Variants in AADACL4 observed in about 807,000 individuals in gnomAD.
The protein encoded by AADACL4 is arylacetamide deacetylase like 4.
AADACL4 carries 9 observed loss-of-function variants against 14.1 expected under a neutral mutation model. That is an observed-to-expected ratio of 0.64 (90% CI 0.39 to 1.12). The LOEUF is 1.12. Among genes scored for constraint, AADACL4 ranks in the 50% most tolerant of loss-of-function variants. The pLI, the probability that AADACL4 is intolerant of heterozygous loss-of-function variation, is 0.01. For synonymous variants in AADACL4, 188 were observed against 201.6 expected, an observed-to-expected ratio of 0.93 and a Z score of 0.57; for missense variants, 531 against 516.1, an observed-to-expected ratio of 1.03 and a Z score of -0.28.
At chr1:12,645,440 C>T (rs114160198) in intron 1 of AADACL4, among the ~76,000 whole-genome samples, 167 of 151,058 alleles carry the variant, frequency 1.1e-3, no homozygotes, top group Non-Finnish European at 1.7e-3. Context: ...ATTTCAGACC[C>T]AGTTCCTGCC....
intron 3 of AADACL4, 25 bp downstream of exon 3, chr1:12,661,879 G>C (rs1430900059): frequency 6.2e-7 from 1 of 1,610,492 alleles, no homozygotes; most frequent in Non-Finnish European, 8.5e-7. Context: ...ACAGCTGGTA[G>C]GTTCCACAGG....
chr1:12,661,685 T>G (rs1647230734), intron 2 of AADACL4, 106 bp from the exon 3 acceptor site: 7 of 1,160,540 alleles, frequency 6.0e-6, no homozygotes, highest in Non-Finnish European at 9.1e-6. Context: ...ACAGAGAGGA[T>G]GCCACACCCC....
At chr1:12,645,707 C>A (rs1242537991) in intron 1 of AADACL4, among the ~76,000 whole-genome samples, 1 of 151,994 alleles carries the variant, frequency 6.6e-6, no homozygotes, top group Non-Finnish European at 1.5e-5. Flanking sequence ...CCATGCCCGG[C>A]TAATTTTTGT....
intron 1 of AADACL4, among the ~76,000 whole-genome samples, chr1:12,647,889 C>T (rs1391879420): frequency 6.6e-6 from 1 of 151,866 alleles, no homozygotes; most frequent in African/African-American, 2.4e-5. Flanking sequence ...AACTCCTGGG[C>T]TCAAGAGATC....
At chr1:12,650,673 C>T (rs1157507686) in intron 1 of AADACL4, among the ~76,000 whole-genome samples, 1 of 152,102 alleles carries the variant, frequency 6.6e-6, no homozygotes, top group African/African-American at 2.4e-5. Flanking sequence ...GCTGGGACTA[C>T]AGGCGCTCGC....
intron 1 of AADACL4, among the ~76,000 whole-genome samples, chr1:12,645,697 C>T (rs1247988730): frequency 6.6e-6 from 1 of 152,010 alleles, no homozygotes; most frequent in African/African-American, 2.4e-5. Flanking sequence ...GTGCGCACCA[C>T]CATGCCCGGC....
chr1:12,653,822 T>C (rs1004837575), intron 2 of AADACL4, among the ~76,000 whole-genome samples: 1 of 152,184 alleles, frequency 6.6e-6, no homozygotes, highest in Non-Finnish European at 1.5e-5. Flanking sequence ...GGGCCTTGGA[T>C]GAAGAGAACC....
At chr1:12,660,549 G>C (rs921489840) in intron 2 of AADACL4, among the ~76,000 whole-genome samples, 1 of 152,076 alleles carries the variant, frequency 6.6e-6, no homozygotes, top group Non-Finnish European at 1.5e-5. Context: ...GTCTAGCAGA[G>C]GTCTTTACTT....
chr1:12,664,276 T>A (rs1230501037), intron 3 of AADACL4, among the ~76,000 whole-genome samples: 2 of 152,192 alleles, frequency 1.3e-5, no homozygotes, highest in Non-Finnish European at 2.9e-5. Context: ...TAGTCTAAGG[T>A]GTTATTTTTC....
At chr1:12,647,805 G>A (rs567545330) in intron 1 of AADACL4, among the ~76,000 whole-genome samples, 31 of 152,076 alleles carry the variant, frequency 2.0e-4, no homozygotes, top group African/African-American at 7.2e-4. Context: ...ATAGGCGCCT[G>A]CCACCATGCC....
chr1:12,650,807 A>G (rs1179460483), intron 1 of AADACL4, among the ~76,000 whole-genome samples: 1 of 152,234 alleles, frequency 6.6e-6, no homozygotes, highest in East Asian at 1.9e-4. Context: ...CTGGGATTAC[A>G]GGCGTGAGCC....
At position 12,657,140 on chromosome 1, in the gene AADACL4, CAAAAAAA is replaced by C. The variant is rs59777423; in HGVS notation, c.386-4632_386-4626del. Among the ~76,000 whole-genome samples, 502 of 51,106 alleles carry C rather than the reference CAAAAAAA, an allele frequency of 9.8e-3. 5 individuals carry two copies. The highest frequency in any genetic ancestry group is 0.027 in the African/African-American group (430 of 16,048). The allele number at this position is 51,106 out of a possible 152,430, so 33.5% of individuals were successfully genotyped here. ...TCTGGGTGACAGAGAAAGACTGTCT[CAAAAAAA>C]AAAAAAAAAAAAAAAAAATCAAACA... On this transcript the variant is annotated intron_variant, in intron 2 of 3. Transcript: ENST00000376221.
intron 2 of AADACL4, among the ~76,000 whole-genome samples, chr1:12,651,991 G>A (rs1387475417): frequency 1.3e-5 from 2 of 151,646 alleles, no homozygotes; most frequent in East Asian, 1.9e-4. Context: ...ACCGTGACCA[G>A]CTAATTTTTT....
At chr1:12,647,092 T>A in intron 1 of AADACL4, among the ~76,000 whole-genome samples, 1 of 121,686 alleles carries the variant, frequency 8.2e-6, no homozygotes, top group East Asian at 2.2e-4. Context: ...AAGTGAGGAT[T>A]TTTTTTTTTT....
chr1:12,660,373 C>A (rs900014587), intron 2 of AADACL4, among the ~76,000 whole-genome samples: 1 of 152,110 alleles, frequency 6.6e-6, no homozygotes, highest in African/African-American at 2.4e-5. Context: ...CTTGATTTTG[C>A]ACCCAAGGCG....
At position 12,661,687 on chromosome 1, in the gene AADACL4, C is replaced by A. The variant is rs554156479; in HGVS notation, c.386-104C>A. 1.8e-4 allele frequency: 214 copies of A among 1,179,860 alleles called. 2 individuals are homozygous for A. The South Asian group carries it at 2.5e-3, about 14-fold the overall frequency. 73.1% of individuals were successfully genotyped at this position (1,179,860 alleles called of 1,614,324 possible). On this transcript the variant is annotated intron_variant, in intron 2 of 3. Coordinates refer to ENST00000376221, the MANE Select transcript of AADACL4 (RefSeq NM_001013630.2). The stretch of plus-strand genomic sequence containing the variant: ...GGCAAGGATAGAAACAGAGAGGATG[C>A]CACACCCCACACCAAGACTGTCAGC...
intron 2 of AADACL4, among the ~76,000 whole-genome samples, chr1:12,655,605 C>T (rs759969445): frequency 6.6e-5 from 10 of 151,988 alleles, no homozygotes; most frequent in East Asian, 1.9e-4. Context: ...CTGTTAGGCC[C>T]GTTTCACCAA....
chr1:12,665,906 C>A, intron 3 of AADACL4, 55 bp from the exon 4 acceptor site: 1 of 1,514,746 alleles, frequency 6.6e-7, no homozygotes. Context: ...GTTGAAACAG[C>A]TCCCTAGCAA....
Position 12,666,450 on chromosome 1 carries a change from A to G in AADACL4, c.939A>G (p.Leu313=), listed in dbSNP as rs957634402. 4 of 1,614,202 alleles carry G rather than the reference A, an allele frequency of 2.5e-6. No individual in the cohort carries two copies. The highest frequency in any genetic ancestry group is 2.2e-5 in the East Asian group (1 of 44,882). ...SPGPFNEAAY[L]EAKHMLDVEN... is the part of the protein sequence containing the mutation. ...GCCCTTTTAATGAAGCTGCCTATCT[A>G]GAAGCCAAACATATGCTGGATGTAG... The change falls in exon 4 of 4, where the codon CTA becomes CTG. Residue 313 remains leucine (L), a synonymous_variant. Coordinates refer to ENST00000376221, the MANE Select transcript of AADACL4 (RefSeq NM_001013630.2).
Sources: allele counts gnomAD v4.1 joint callset (sites outside exome capture counted in the v4.1 genomes callset), GRCh38; gene constraint gnomAD v4.1.1; transcripts MANE v1.5; gene names NCBI Gene and HGNC (gene_info 2026-07-23, HGNC 2026-07-21).